Variants in GPHN observed in about 807,000 individuals in gnomAD.
GPHN encodes gephyrin.
GPHN carries 17 observed loss-of-function variants against 95.5 expected under a neutral mutation model. That is an observed-to-expected ratio of 0.18 (90% CI 0.12 to 0.27). The LOEUF (loss-of-function observed/expected upper bound fraction) is 0.27. Among genes scored for constraint, GPHN ranks in the 10% least tolerant of loss-of-function variants. The pLI, the probability that GPHN is intolerant of heterozygous loss-of-function variation, is 1.00. For synonymous variants in GPHN, 320 were observed against 322.5 expected (o/e 0.99, Z 0.08); for missense variants, 660 against 978.1 (o/e 0.67, Z 4.34).
At chr14:67,539,945 G>A in the GPHN span, among the ~76,000 whole-genome samples, 2 of 152,120 alleles carry the variant, frequency 1.3e-5, no homozygotes, top group Non-Finnish European at 1.5e-5. Flanking sequence ...AGAAAAATAC[G>A]AATAAAAGTC....
At chr14:67,562,228 T>A in the GPHN span, 1 of 1,612,336 alleles carries the variant, frequency 6.2e-7, no homozygotes, top group South Asian at 1.1e-5. Context: ...GAATCCAGCC[T>A]ATGGGCCAGG....
chr14:66,967,143 C>T (rs1455143399), intron 9 of GPHN, among the ~76,000 whole-genome samples: 1 of 151,748 alleles, frequency 6.6e-6, no homozygotes, highest in African/African-American at 2.4e-5. Context: ...TTTTGATCAG[C>T]ACTAGAATGT....
intron 5 of GPHN, among the ~76,000 whole-genome samples, chr14:66,909,353 T>A (rs754934339): frequency 1.3e-5 from 2 of 152,008 alleles, no homozygotes; most frequent in African/African-American, 4.8e-5. Flanking sequence ...ATTACAAAAC[T>A]AGAAAATGAT....
intron 1 of GPHN, among the ~76,000 whole-genome samples, chr14:66,643,705 T>G (rs1222559750): frequency 6.6e-6 from 1 of 151,626 alleles, no homozygotes; most frequent in Non-Finnish European, 1.5e-5. Flanking sequence ...AGTCAGTATT[T>G]CCTTCTGTTG....
the GPHN span, chr14:67,320,202 T>G: frequency 6.3e-7 from 1 of 1,595,696 alleles, no homozygotes; most frequent in Non-Finnish European, 8.5e-7. Context: ...TAATTTTGTT[T>G]GAAGAGCTTA....
chr14:67,640,674 TAAGAA>T, the GPHN span, among the ~76,000 whole-genome samples: 1 of 152,194 alleles, frequency 6.6e-6, no homozygotes, highest in African/African-American at 2.4e-5. Flanking sequence ...ACCAGGACCC[TAAGAA>T]TATAATCTAT....
chr14:67,181,072 C>A lies in GPHN; in HGVS notation c.*135C>A. On this transcript the variant is annotated 3_prime_UTR_variant, in exon 23 of 23. Transcript: ENST00000478722. ...ATAGTCAACATCTTGAACTATATTT[C>A]AAATGAATTTAAATATCTTTTAAAG... 1 of 760,688 alleles carries A rather than the reference C, an allele frequency of 1.3e-6. No homozygotes were observed. The highest frequency in any genetic ancestry group is 1.6e-5 in the South Asian group (1 of 61,028). The allele number at this position is 760,688 out of a possible 1,614,324, so 47.1% of individuals were successfully genotyped here. A position where few individuals can be genotyped will look rare whatever the true frequency, so the allele number is the denominator to read the frequency against.
chr14:67,038,777 A>G (rs1040677314), intron 10 of GPHN, among the ~76,000 whole-genome samples: 2 of 152,044 alleles, frequency 1.3e-5, no homozygotes, highest in African/African-American at 4.8e-5. Flanking sequence ...CTTTCCTCCA[A>G]ATTATTCCTG....
the GPHN span, among the ~76,000 whole-genome samples, chr14:67,405,381 A>G: frequency 6.6e-6 from 1 of 152,178 alleles, no homozygotes; most frequent in East Asian, 1.9e-4. Context: ...ATGATTAGGG[A>G]AATCATTCAT....
intron 1 of GPHN, among the ~76,000 whole-genome samples, chr14:66,560,220 CG>C (rs2060177217): frequency 6.6e-6 from 1 of 151,918 alleles, no homozygotes. Flanking sequence ...CTTGGCAATG[CG>C]GGCTCTTTTT....
the GPHN span, among the ~76,000 whole-genome samples, chr14:67,256,984 C>T: frequency 5.3e-5 from 8 of 152,094 alleles, no homozygotes; most frequent in South Asian, 4.1e-4. Context: ...GAGGTCCTGA[C>T]GACAGGTGCC....
chr14:66,796,963 A>G (rs2060178417), intron 3 of GPHN, among the ~76,000 whole-genome samples: 1 of 142,162 alleles, frequency 7.0e-6, no homozygotes, highest in Admixed American at 7.0e-5. Flanking sequence ...CTTACATTTA[A>G]TTATTTAATG....
At chr14:67,334,951 T>A in the GPHN span, 1 of 152,230 alleles carries the variant, frequency 6.6e-6, no homozygotes, top group Non-Finnish European at 1.5e-5. Context: ...CAGTTCATGT[T>A]AAGTTAGAGT....
intron 1 of GPHN, among the ~76,000 whole-genome samples, chr14:66,555,983 T>C (rs1350589309): frequency 6.6e-6 from 1 of 152,176 alleles, no homozygotes; most frequent in Non-Finnish European, 1.5e-5. Context: ...CTAGATAGTA[T>C]AGCCTACTAC....
chr14:66,666,018 G>A (rs888722803), intron 1 of GPHN, among the ~76,000 whole-genome samples: 3 of 148,770 alleles, frequency 2.0e-5, no homozygotes, highest in South Asian at 2.1e-4. Flanking sequence ...ACCAAACACC[G>A]CATGTTCTCA....
the GPHN span, chr14:67,646,739 G>C: frequency 6.2e-7 from 1 of 1,606,672 alleles, no homozygotes; most frequent in Non-Finnish European, 8.5e-7. Flanking sequence ...CTCCTGAACA[G>C]TAAGTTGATG....
At chr14:67,137,937 C>G (rs922408283) in intron 17 of GPHN, among the ~76,000 whole-genome samples, 25 of 152,262 alleles carry the variant, frequency 1.6e-4, no homozygotes, top group African/African-American at 5.8e-4. Context: ...AAAACTTAAT[C>G]TGCTTAATCC....
At chr14:67,572,274 C>T in the GPHN span, 14 of 1,582,624 alleles carry the variant, frequency 8.8e-6, no homozygotes, top group African/African-American at 4.1e-5. Flanking sequence ...TGGGCCTGGG[C>T]GGGGTGAGCC....
chr14:67,554,488 G>A, the GPHN span, among the ~76,000 whole-genome samples: 1 of 152,144 alleles, frequency 6.6e-6, no homozygotes, highest in East Asian at 1.9e-4. Context: ...CATGTATGAT[G>A]CATATGTGTT....
Sources: gnomAD v4.1 joint callset for allele counts (sites outside exome capture counted in the v4.1 genomes callset) on GRCh38, gnomAD v4.1.1 for gene constraint, MANE v1.5 for transcripts, NCBI Gene and HGNC (gene_info 2026-07-23, HGNC 2026-07-21) for gene names.